PIGB: variants seen among roughly 807,000 people sequenced by gnomAD.
PIGB encodes GPI alpha-1,2-mannosyltransferase 3.
Under a neutral mutation model 68.4 loss-of-function variants are expected in PIGB, and 58 were observed. The observed-to-expected ratio is 0.85, with a 90% confidence interval of 0.69 to 1.06. The LOEUF (loss-of-function observed/expected upper bound fraction) is 1.06, where lower values mean the gene tolerates loss of function less well. Among genes scored for constraint, PIGB ranks in the 50% least tolerant of loss-of-function variants. The pLI is 0.00. For missense variants in PIGB, 634 were observed against 655.8 expected, an observed-to-expected ratio of 0.97 and a Z score of 0.36; for synonymous variants, 219 against 220.5, an observed-to-expected ratio of 0.99 and a Z score of 0.06.
intron 10 of PIGB, chr15:55,354,479 A>G (rs1235339775): frequency 4.3e-6 from 1 of 234,824 alleles, no homozygotes; most frequent in Admixed American, 5.8e-5. Context: ...CCTGAGGACC[A>G]TTTATGTTTC....
intron 9 of PIGB, chr15:55,350,485 C>T: frequency 1.8e-6 from 1 of 556,210 alleles, no homozygotes; most frequent in East Asian, 3.0e-5. Context: ...ATCATCTTTC[C>T]ACTATACCTC....
At chr15:55,342,888 C>T (rs746544888) in intron 9 of PIGB, among the ~76,000 whole-genome samples, 3 of 151,816 alleles carry the variant, frequency 2.0e-5, no homozygotes, top group Non-Finnish European at 2.9e-5. Context: ...AAGTTTAATT[C>T]GGAATAAATG....
chr15:55,346,472 C>G (rs2055797465), intron 9 of PIGB: 1 of 152,180 alleles, frequency 6.6e-6, no homozygotes, highest in Admixed American at 6.5e-5. Flanking sequence ...TTAAGCAGTT[C>G]TTCCAGAAAT....
chr15:55,349,448 T>C (rs1566959477), intron 9 of PIGB: 1 of 152,222 alleles, frequency 6.6e-6, no homozygotes, highest in Non-Finnish European at 1.5e-5. Flanking sequence ...TTATTTCAAA[T>C]AAAGCTAGTT....
chr15:55,349,921 C>CA (rs2055884933), intron 9 of PIGB: 1 of 152,118 alleles, frequency 6.6e-6, no homozygotes, highest in Non-Finnish European at 1.5e-5. Context: ...CTAATATGTC[C>CA]ATTAATAGTG....
chr15:55,320,942 C>T (rs1280000192), intron 2 of PIGB, among the ~76,000 whole-genome samples: 2 of 152,168 alleles, frequency 1.3e-5, no homozygotes, highest in South Asian at 4.2e-4. Context: ...CATACATTCC[C>T]ACAGTACTTA....
At chr15:55,349,600 C>G (rs1245224510) in intron 9 of PIGB, 1 of 152,118 alleles carries the variant, frequency 6.6e-6, no homozygotes, top group Non-Finnish European at 1.5e-5. Flanking sequence ...TTAATCAGAA[C>G]TATTTCAAGT....
intron 6 of PIGB, among the ~76,000 whole-genome samples, chr15:55,335,728 G>A (rs1278522948): frequency 6.6e-6 from 1 of 152,108 alleles, no homozygotes; most frequent in Non-Finnish European, 1.5e-5. Flanking sequence ...GTTACTTGAT[G>A]AGAGAGTATT....
At chr15:55,346,381 A>C (rs2055795234) in intron 9 of PIGB, 1 of 152,198 alleles carries the variant, frequency 6.6e-6, no homozygotes, top group South Asian at 2.1e-4. Flanking sequence ...TATAAAAATA[A>C]ATGCCGATGG....
At chr15:55,338,589 G>A (rs1182778515) in intron 6 of PIGB, among the ~76,000 whole-genome samples, 1 of 152,030 alleles carries the variant, frequency 6.6e-6, no homozygotes, top group Non-Finnish European at 1.5e-5. Context: ...AGGCTGCAGT[G>A]AGCCATGATC....
At position 55,333,956 on chromosome 15, in the gene PIGB, G is replaced by A; in HGVS notation, c.743G>A (p.Cys248Tyr). ...ACACCTTTGCTCTTCAGACATTTCT[G>A]TCAAGAACCAAGAAAGCTTGATCTT... ...LWTPLLFRHF[C>Y]QEPRKLDLIL... The change falls in exon 6 of 12, where the codon TGT becomes TAT. Residue 248 changes from cysteine to tyrosine, a missense_variant. Physicochemically the swap from Cys to Tyr is radical, Grantham distance 194. Transcript: ENST00000164305. The A allele has an allele frequency of 6.2e-7, 1 of 1,607,160 alleles. No homozygotes were observed. Among genetic ancestry groups the A allele is most frequent in the Non-Finnish European group, 8.5e-7 (1 of 1,177,146 alleles).
chr15:55,329,765 T>C lies in PIGB; in HGVS notation c.564T>C (p.Cys188=). 2.5e-6 allele frequency: 4 copies of C among 1,610,618 alleles called. No homozygotes were observed. The highest frequency in any genetic ancestry group is 3.4e-6 in the Non-Finnish European group (4 of 1,176,912). Reference sequence around the variant, plus strand: ...GCTCCTGGTTCACATGGTATTGCTGTACCAGAACCCTTACAAACACCATGG... The same window carrying C: ...GCTCCTGGTTCACATGGTATTGCTGCACCAGAACCCTTACAAACACCATGG... ...QLCSWFTWYC[C]TRTLTNTMET... is the part of the protein sequence containing the mutation. Residue 188 remains cysteine (C), a synonymous_variant, in exon 5 of 12, where the codon TGT becomes TGC. Transcript: ENST00000164305.
intron 2 of PIGB, among the ~76,000 whole-genome samples, chr15:55,320,944 C>G (rs2055150128): frequency 6.6e-6 from 1 of 152,158 alleles, no homozygotes; most frequent in Non-Finnish European, 1.5e-5. Context: ...TACATTCCCA[C>G]AGTACTTAGC....
chr15:55,329,176 T>C (rs1595776708), intron 4 of PIGB, among the ~76,000 whole-genome samples: 1 of 151,246 alleles, frequency 6.6e-6, no homozygotes, highest in East Asian at 1.9e-4. Context: ...GATTCATTAA[T>C]TTAGTCAATC....
intron 9 of PIGB, among the ~76,000 whole-genome samples, chr15:55,342,613 A>C (rs11855382): frequency 0.32 from 48,416 of 152,136 alleles, 8,594 homozygotes; most frequent in East Asian, 0.57. Flanking sequence ...GCTGGTCTCG[A>C]ACTCCTGACC....
chr15:55,345,192 ATATTC>A (rs2055764554), intron 9 of PIGB, among the ~76,000 whole-genome samples: 2 of 151,680 alleles, frequency 1.3e-5, no homozygotes, highest in Non-Finnish European at 2.9e-5. Flanking sequence ...AGCTGGCCCC[ATATTC>A]TAATCTTTTT....
Position 55,340,791 on chromosome 15 carries a change from G to C in PIGB, c.1026G>C (p.Leu342Phe). Residue 342 changes from leucine to phenylalanine, a missense_variant, in exon 8 of 12, where the codon TTG (leucine) becomes TTC (phenylalanine). Leu to Phe is a conservative substitution (Grantham distance 22, BLOSUM62 0). Transcript: ENST00000164305. ...CACCAAAGAGATACCGGATACTTTT[G>C]GTGACTGTGCTGTGGACACTGCTTG... ...YLAPKRYRILLVTVLWTLLVY... is the reference protein window; with the variant it reads ...YLAPKRYRILFVTVLWTLLVY... 1 of 1,609,452 alleles carries C rather than the reference G, an allele frequency of 6.2e-7. No homozygotes were observed. Among genetic ancestry groups the C allele is most frequent in the Non-Finnish European group, 8.5e-7 (1 of 1,177,566 alleles).
At chr15:55,346,303 A>AT (rs1363647325) in intron 9 of PIGB, 3 of 152,178 alleles carry the variant, frequency 2.0e-5, no homozygotes, top group Non-Finnish European at 2.9e-5. Flanking sequence ...GATGTAATGG[A>AT]TTTTAAACAT....
intron 9 of PIGB, among the ~76,000 whole-genome samples, chr15:55,347,377 G>C (rs1427403840): frequency 6.6e-6 from 1 of 152,188 alleles, no homozygotes; most frequent in Admixed American, 6.5e-5. Context: ...CAGTGAGCCG[G>C]TATCATGCCA....
Sources: allele counts gnomAD v4.1 joint callset (sites outside exome capture counted in the v4.1 genomes callset), GRCh38; gene constraint gnomAD v4.1.1; transcripts MANE v1.5; gene names NCBI Gene and HGNC (gene_info 2026-07-23, HGNC 2026-07-21).